The following ERC1 variants were observed in gnomAD, a reference collection of about 807,000 sequenced individuals.
ERC1 encodes the protein RAB6 interacting protein 2.
In ERC1, 56 loss-of-function variants were observed where a neutral mutation model predicts 132.0. That is an observed-to-expected ratio of 0.42 (90% confidence interval 0.34 to 0.53). The LOEUF is 0.53. Ranked by LOEUF, ERC1 falls within the 20% of genes least tolerant of loss-of-function variation. The pLI is 0.03. For synonymous variants in ERC1, 478 were observed against 476.1 expected, an observed-to-expected ratio of 1.00 and a Z score of -0.05; for missense variants, 1,202 against 1,349.9, an observed-to-expected ratio of 0.89 and a Z score of 1.72.
intron 3 of ERC1, among the ~76,000 whole-genome samples, chr12:1,085,487 A>G (rs566012290): frequency 1.3e-3 from 134 of 101,450 alleles, no homozygotes; most frequent in African/African-American, 5.1e-3. Flanking sequence ...TATTATTATT[A>G]TTGTTGTTGT....
At chr12:1,277,205 A>G (rs1460155510) in intron 14 of ERC1, among the ~76,000 whole-genome samples, 1 of 152,250 alleles carries the variant, frequency 6.6e-6, no homozygotes, top group African/African-American at 2.4e-5. Context: ...GAACTAGCTG[A>G]AAGTCTTATG....
At chr12:1,297,639 G>A (rs936678998) in intron 15 of ERC1, among the ~76,000 whole-genome samples, 3 of 149,472 alleles carry the variant, frequency 2.0e-5, no homozygotes, top group African/African-American at 4.9e-5. Context: ...CCCAGGACAC[G>A]GAGGCTGTAG....
rs1972558914 is a variant in ERC1, at chr12:1,054,378, CT to C, written c.669+25809del. On this transcript the variant is annotated intron_variant, in intron 2 of 18. Coordinates refer to ENST00000360905, the MANE Select transcript of ERC1 (RefSeq NM_178040.4). ...GTTTAGGAACTGTGTATTGGGATTC[CT>C]TTAAGATTTTTGTTTTAACATACTT... Among the ~76,000 whole-genome samples the C allele has an allele frequency of 2.6e-5, 4 of 152,134 alleles. No individual in the cohort carries two copies. In the South Asian group the frequency reaches 8.3e-4, roughly 32 times the overall value.
intron 12 of ERC1, among the ~76,000 whole-genome samples, chr12:1,218,851 CACACAT>C (rs760071197): frequency 2.0e-5 from 3 of 149,144 alleles, no homozygotes; most frequent in African/African-American, 7.5e-5. Flanking sequence ...CACACACACA[CACACAT>C]ATATATATAT....
At chr12:1,297,424 G>A (rs1473829732) in intron 15 of ERC1, among the ~76,000 whole-genome samples, 5 of 151,756 alleles carry the variant, frequency 3.3e-5, no homozygotes, top group African/African-American at 7.3e-5. Flanking sequence ...GACATGGGCC[G>A]GGCACTGTGG....
intron 13 of ERC1, among the ~76,000 whole-genome samples, chr12:1,241,575 G>A (rs1402307323): frequency 6.6e-6 from 1 of 151,796 alleles, no homozygotes; most frequent in East Asian, 1.9e-4. Context: ...GTTTCTTTTA[G>A]TTCTTTAGCT....
intron 12 of ERC1, among the ~76,000 whole-genome samples, chr12:1,210,415 T>G (rs1285952471): frequency 6.6e-6 from 1 of 152,166 alleles, no homozygotes; most frequent in Non-Finnish European, 1.5e-5. Flanking sequence ...TTTTCTTTGT[T>G]GGTGAAGTTG....
intron 8 of ERC1, 76 bp from the exon 9 acceptor site, chr12:1,180,464 T>C: frequency 7.3e-7 from 1 of 1,376,678 alleles, no homozygotes. Flanking sequence ...TGTTTTCAAA[T>C]TGAAATGATT....
Position 1,493,544 on chromosome 12 carries a change from A to ATATATATATATATATATATAT in ERC1, c.*3314_*3315insTATATATATATATATATATAT, listed in dbSNP as rs57315267. On this transcript the variant is annotated 3_prime_UTR_variant, in exon 19 of 19. Transcript: ENST00000360905. ...AGAGACTCCATTTAAAAAAAAAAAAAAAAAATATATATATATATATATATA... is the reference window on the plus strand; with the variant it reads ...AGAGACTCCATTTAAAAAAAAAAAAATATATATATATATATATATATAAAAATATATATATATATATATATA... The ATATATATATATATATATATAT allele has an allele frequency of 5.3e-4, 12 of 22,474 alleles. No homozygotes were observed. Among genetic ancestry groups the ATATATATATATATATATATAT allele is most frequent in the Admixed American group, 7.7e-4 (1 of 1,300 alleles). 1.4% of individuals were successfully genotyped at this position (22,474 alleles called of 1,614,324 possible).
rs35902573 is a variant in ERC1, at chr12:1,341,069, C to CT, written c.2781-30722dup. ...AATGTCCACTTATTCTTTTCTTTTT[C>CT]TTTTTTTTTTTTTTTTTTTTTTTTT... is the stretch of plus-strand genomic sequence containing the variant. On this transcript the variant is annotated intron_variant, in intron 15 of 18. Transcript: ENST00000360905. Among the ~76,000 whole-genome samples the CT allele has an allele frequency of 5.1e-4, 32 of 63,134 alleles. 2 individuals carry two copies. The highest frequency in any genetic ancestry group is 1.5e-3 in the East Asian group (2 of 1,372). The allele number at this position is 63,134 out of a possible 152,430, so 41.4% of individuals were successfully genotyped here.
chr12:1,147,658 T>G (rs1950503309), intron 8 of ERC1, among the ~76,000 whole-genome samples: 1 of 152,230 alleles, frequency 6.6e-6, no homozygotes, highest in African/African-American at 2.4e-5. Context: ...TAAACTTTTC[T>G]TTAAGTGTAG....
intron 7 of ERC1, among the ~76,000 whole-genome samples, chr12:1,137,591 T>G (rs903030416): frequency 6.6e-6 from 1 of 151,868 alleles, no homozygotes; most frequent in East Asian, 1.9e-4. Context: ...GGCTCACGCC[T>G]GTAACCCCAG....
chr12:1,318,924 C>T (rs761030897), intron 15 of ERC1, among the ~76,000 whole-genome samples: 12 of 152,062 alleles, frequency 7.9e-5, no homozygotes, highest in Non-Finnish European at 1.2e-4. Context: ...GCAACAGTCT[C>T]TCCAAGTTAA....
chr12:1,494,130 T>G lies in ERC1; in HGVS notation c.*3900T>G. 1 of 232,252 alleles carries G rather than the reference T, an allele frequency of 4.3e-6. No individual in the cohort carries two copies. Among genetic ancestry groups the G allele is most frequent in the Non-Finnish European group, 8.5e-6 (1 of 117,474 alleles). The allele number at this position is 232,252 out of a possible 1,614,324, so 14.4% of individuals were successfully genotyped here. ...GTGGAGTGTGACACCACATGGCATTTCTCAAGCCCAGCGGACCCTGTGTCA... is the reference window on the plus strand; with the variant it reads ...GTGGAGTGTGACACCACATGGCATTGCTCAAGCCCAGCGGACCCTGTGTCA... On this transcript the variant is annotated 3_prime_UTR_variant, in exon 19 of 19. Coordinates refer to ENST00000360905, the MANE Select transcript of ERC1 (RefSeq NM_178040.4).
chr12:1,309,457 A>C (rs117081604), intron 15 of ERC1, among the ~76,000 whole-genome samples: 1,930 of 152,320 alleles, frequency 0.013, 19 homozygotes, highest in South Asian at 0.018. Flanking sequence ...AATAATTATT[A>C]GTATGTCAGA....
At chr12:1,069,408 A>G (rs1939904484) in intron 2 of ERC1, among the ~76,000 whole-genome samples, 1 of 152,180 alleles carries the variant, frequency 6.6e-6, no homozygotes, top group African/African-American at 2.4e-5. Context: ...TCTTCTTGAG[A>G]GAAACTTTTA....
At chr12:1,129,405 T>A (rs1167232651) in intron 7 of ERC1, among the ~76,000 whole-genome samples, 1 of 152,184 alleles carries the variant, frequency 6.6e-6, no homozygotes, top group Non-Finnish European at 1.5e-5. Flanking sequence ...CATGTAGTCC[T>A]GGCTACTCAG....
chr12:1,203,706 T>G (rs1957117374), intron 12 of ERC1, among the ~76,000 whole-genome samples: 2 of 152,174 alleles, frequency 1.3e-5, no homozygotes, highest in African/African-American at 4.8e-5. Flanking sequence ...CTAATTACAG[T>G]GAAACTGATT....
intron 18 of ERC1, among the ~76,000 whole-genome samples, chr12:1,487,539 T>TAAAAAAAA (rs77723832): frequency 7.6e-6 from 1 of 130,846 alleles, no homozygotes. Context: ...ACCGCACCTC[T>TAAAAAAAA]AAAAAAGAAA....
Sources: gnomAD v4.1 joint callset for allele counts (sites outside exome capture counted in the v4.1 genomes callset) on GRCh38, gnomAD v4.1.1 for gene constraint, MANE v1.5 for transcripts, NCBI Gene and HGNC (gene_info 2026-07-23, HGNC 2026-07-21) for gene names.